Variants in OCA2 observed in about 807,000 individuals in gnomAD.
The protein encoded by OCA2 is P protein.
In OCA2, 77 loss-of-function variants were observed where a neutral mutation model predicts 100.2. That is an observed-to-expected ratio of 0.77 (90% confidence interval 0.64 to 0.93). The LOEUF is 0.93. Ranked by LOEUF, OCA2 falls within the 40% of genes least tolerant of loss-of-function variation. The probability of loss-of-function intolerance (pLI) is 0.00; values close to 1 mark genes in which losing one functional copy is unlikely to be tolerated. For synonymous variants in OCA2, 432 were observed against 439.2 expected (o/e 0.98, Z 0.21); for missense variants, 1,062 against 1,089.1 (o/e 0.98, Z 0.35).
intron 23 of OCA2, 76 bp downstream of exon 23, chr15:27,844,883 A>G (rs1638663765): frequency 1.9e-6 from 2 of 1,036,178 alleles, no homozygotes; most frequent in East Asian, 2.4e-5. Context: ...TTAGCATTTA[A>G]TGTGTTATTT....
At chr15:27,745,302 T>C in the OCA2 span, among the ~76,000 whole-genome samples, 1 of 152,224 alleles carries the variant, frequency 6.6e-6, no homozygotes, top group Non-Finnish European at 1.5e-5. Flanking sequence ...TGTGCTCTGT[T>C]ACAAGGGTTT....
At chr15:27,752,815 C>CG (rs2030117379), downstream of OCA2, among the ~76,000 whole-genome samples, 1 of 83,946 alleles carries the variant, frequency 1.2e-5, no homozygotes, top group Admixed American at 1.3e-4. Context: ...CCCCCCCCCC[C>CG]CAGAGGCCCA....
chr15:27,895,751 C>A, intron 19 of OCA2: 1 of 320,204 alleles, frequency 3.1e-6, no homozygotes, highest in East Asian at 7.1e-5. Context: ...TAAGAGATAT[C>A]AAGCGAAATT....
intron 18 of OCA2, among the ~76,000 whole-genome samples, chr15:27,934,250 G>T (rs1055760986): frequency 2.9e-5 from 4 of 136,674 alleles, no homozygotes; most frequent in African/African-American, 9.9e-5. Flanking sequence ...CAAAAATGTT[G>T]GGACCCCAGT....
At chr15:28,039,389 CAT>C (rs1724526622) in intron 2 of OCA2, among the ~76,000 whole-genome samples, 1 of 152,222 alleles carries the variant, frequency 6.6e-6, no homozygotes, top group Admixed American at 6.5e-5. Flanking sequence ...CAGAATAGAC[CAT>C]ATGTTAGGAC....
chr15:28,076,819 A>G (rs903183609), intron 2 of OCA2, among the ~76,000 whole-genome samples: 16 of 141,870 alleles, frequency 1.1e-4, no homozygotes, highest in Non-Finnish European at 2.4e-4. Context: ...TGCAGTCCGC[A>G]GTCCGGCCTG....
At chr15:27,955,291 C>A in intron 16 of OCA2, 76 bp from the exon 17 acceptor site, 1 of 1,078,326 alleles carries the variant, frequency 9.3e-7, no homozygotes, top group Non-Finnish European at 1.4e-6. Flanking sequence ...CAGTCCCCAG[C>A]GCTTCGTGCC....
chr15:27,805,779 C>G (rs2033817315), intron 23 of OCA2, among the ~76,000 whole-genome samples: 2 of 152,138 alleles, frequency 1.3e-5, no homozygotes, highest in African/African-American at 4.8e-5. Context: ...CCCCCACATC[C>G]AGGTGGTAAT....
At chr15:27,848,339 T>C (rs1050573070) in intron 22 of OCA2, among the ~76,000 whole-genome samples, 1 of 152,156 alleles carries the variant, frequency 6.6e-6, no homozygotes, top group Non-Finnish European at 1.5e-5. Flanking sequence ...TCACATGAGA[T>C]TAAGAATGTG....
the OCA2 span, among the ~76,000 whole-genome samples, chr15:27,746,784 G>C: frequency 6.6e-6 from 1 of 152,122 alleles, no homozygotes; most frequent in South Asian, 2.1e-4. Flanking sequence ...TGGACAGTGG[G>C]ATGTACTCCC....
At chr15:28,086,551 CAA>C (rs2044779490) in intron 1 of OCA2, among the ~76,000 whole-genome samples, 2 of 152,080 alleles carry the variant, frequency 1.3e-5, no homozygotes, top group South Asian at 4.2e-4. Context: ...AAGCAATACT[CAA>C]AATATGCAGG....
chr15:27,854,573 G>T (rs1244057334), intron 21 of OCA2, among the ~76,000 whole-genome samples: 1 of 152,224 alleles, frequency 6.6e-6, no homozygotes, highest in Non-Finnish European at 1.5e-5. Flanking sequence ...ACTCCTGGCA[G>T]CAGGGTGCTC....
chr15:27,871,863 C>G lies in OCA2; in HGVS notation c.2139G>C (p.Lys713Asn), dbSNP rs1312908957. The G allele has an allele frequency of 6.3e-7, 1 of 1,591,588 alleles. No individual in the cohort carries two copies. Among genetic ancestry groups the G allele is most frequent in the Non-Finnish European group, 8.6e-7 (1 of 1,160,566 alleles). Reference sequence around the variant, plus strand: ...CCTTCTATTATAGCATTTATTTTACCTTTATTAGCAAAGCAGTTTGTTCTC... The same window carrying G: ...CCTTCTATTATAGCATTTATTTTACGTTTATTAGCAAAGCAGTTTGTTCTC... ...YVGEQTALLI[K>N]MVPEEQRLIA... The change falls in exon 20 of 24, where the codon AAG (lysine) becomes AAC (asparagine). Residue 713 changes from lysine (K) to asparagine (N), a missense_variant and splice_region_variant. Coordinates refer to ENST00000354638, the MANE Select transcript of OCA2 (RefSeq NM_000275.3).
At chr15:27,845,123 A>G in intron 22 of OCA2, 71 bp from the exon 23 acceptor site, 1 of 1,123,640 alleles carries the variant, frequency 8.9e-7, no homozygotes, top group Non-Finnish European at 1.4e-6. Context: ...TTGGTTTGTA[A>G]TATTTAGATC....
At chr15:28,005,319 C>G (rs2042059641) in intron 9 of OCA2, among the ~76,000 whole-genome samples, 1 of 152,136 alleles carries the variant, frequency 6.6e-6, no homozygotes, top group African/African-American at 2.4e-5. Context: ...GCCCACATCT[C>G]CCCAAGCTCA....
chr15:27,921,671 C>T (rs1301285492), intron 19 of OCA2, among the ~76,000 whole-genome samples: 1 of 152,146 alleles, frequency 6.6e-6, no homozygotes, highest in Non-Finnish European at 1.5e-5. Context: ...GGAGCCTTAC[C>T]AATAACATAA....
intron 14 of OCA2, among the ~76,000 whole-genome samples, chr15:27,967,883 G>A (rs2040627214): frequency 1.3e-5 from 2 of 152,226 alleles, no homozygotes; most frequent in Non-Finnish European, 2.9e-5. Context: ...CAGCATCATT[G>A]GTTGGTTCTG....
chr15:27,856,543 A>G (rs1786663820), intron 21 of OCA2, among the ~76,000 whole-genome samples: 2 of 152,104 alleles, frequency 1.3e-5, no homozygotes, highest in African/African-American at 2.4e-5. Context: ...TCCTCCAAAA[A>G]CTGAGGTTAT....
At chr15:27,805,441 C>T (rs540007658) in intron 23 of OCA2, among the ~76,000 whole-genome samples, 8 of 152,346 alleles carry the variant, frequency 5.3e-5, no homozygotes, top group African/African-American at 1.9e-4. Flanking sequence ...GATGGCTGCA[C>T]ACCGCGGGGA....
Sources: allele counts gnomAD v4.1 joint callset (sites outside exome capture counted in the v4.1 genomes callset), GRCh38; gene constraint gnomAD v4.1.1; transcripts MANE v1.5; gene names NCBI Gene and HGNC (gene_info 2026-07-23, HGNC 2026-07-21).